STRA8: variants seen among roughly 807,000 people sequenced by gnomAD.
STRA8 encodes stimulated by retinoic acid gene 8 protein homolog.
A neutral mutation model predicts 37.1 loss-of-function variants in STRA8; 18 were observed. The observed-to-expected ratio is 0.48, with a 90% CI of 0.34 to 0.72. The LOEUF (loss-of-function observed/expected upper bound fraction) is 0.72. Among genes scored for constraint, STRA8 ranks in the 30% least tolerant of loss-of-function variants. The pLI is 0.01. For synonymous variants in STRA8, 168 were observed against 162.9 expected (o/e 1.03, Z -0.24); for missense variants, 357 against 410.4 (o/e 0.87, Z 1.13).
intron 1 of STRA8, among the ~76,000 whole-genome samples, 175 bp downstream of exon 1, chr7:135,234,078 G>GGAT (rs138996477): frequency 8.6e-5 from 13 of 150,716 alleles, no homozygotes; most frequent in African/African-American, 3.2e-4. Context: ...GAGTGATTCT[G>GGAT]GATGATGATG....
intron 7 of STRA8, 139 bp downstream of exon 7, chr7:135,252,008 G>A (rs1420518774): frequency 2.7e-6 from 2 of 735,986 alleles, no homozygotes; most frequent in Non-Finnish European, 4.6e-6. Flanking sequence ...GAGGGAGAGA[G>A]AGAGAGTGTG....
At chr7:135,242,028 G>A (rs1251057917) in intron 2 of STRA8, among the ~76,000 whole-genome samples, 1 of 110,110 alleles carries the variant, frequency 9.1e-6, no homozygotes, top group African/African-American at 3.6e-5. Flanking sequence ...CATACAGGAA[G>A]TAAGGAGGGA....
At chr7:135,243,490 C>T (rs1379348007) in intron 4 of STRA8, 80 bp downstream of exon 4, 1 of 1,331,432 alleles carries the variant, frequency 7.5e-7, no homozygotes, top group Non-Finnish European at 1.1e-6. Context: ...GCAACTCACC[C>T]TTCCTCTCCA....
At chr7:135,235,076 T>C (rs947846670) in intron 1 of STRA8, among the ~76,000 whole-genome samples, 3 of 152,156 alleles carry the variant, frequency 2.0e-5, no homozygotes, top group African/African-American at 7.2e-5. Context: ...TTGGCCACGT[T>C]GCCCAGTCTG....
At chr7:135,252,016 G>GT in intron 7 of STRA8, 147 bp downstream of exon 7, 1 of 634,010 alleles carries the variant, frequency 1.6e-6, no homozygotes, top group Non-Finnish European at 2.8e-6. Context: ...GAGAGAGAGT[G>GT]TGTGTGTGTG....
rs749470146 is a variant in STRA8, at chr7:135,251,813, C to T, written c.897C>T (p.Ala299=). Residue 299 remains alanine, a synonymous_variant, in exon 7 of 9, where the codon GCC becomes GCT. Transcript: ENST00000662584. ...STPEEILFED[A]FDVASFLDKS... is the part of the protein sequence containing the mutation. ...TCTTTCAGATCCTTTTTGAGGATGC[C>T]TTTGATGTGGCAAGCTTCCTGGACA... 11 of 1,613,980 alleles carry T rather than the reference C, an allele frequency of 6.8e-6. No homozygotes were observed. The highest frequency in any genetic ancestry group is 8.5e-6 in the Non-Finnish European group (10 of 1,180,018).
chr7:135,242,960 T>TGTTGATTC, intron 3 of STRA8, 104 bp downstream of exon 3: 1 of 1,228,864 alleles, frequency 8.1e-7, no homozygotes, highest in Non-Finnish European at 1.2e-6. Context: ...AACAAATATT[T>TGTTGATTC]ATTGAGGGCC....
intron 2 of STRA8, among the ~76,000 whole-genome samples, chr7:135,241,242 A>G (rs1832460192): frequency 6.6e-6 from 1 of 152,186 alleles, no homozygotes; most frequent in African/African-American, 2.4e-5. Flanking sequence ...ACCCAACAGC[A>G]TCAACATGAG....
intron 6 of STRA8, among the ~76,000 whole-genome samples, chr7:135,248,973 G>A (rs890253126): frequency 4.6e-5 from 7 of 152,144 alleles, no homozygotes; most frequent in African/African-American, 1.7e-4. Context: ...CTCAAAAAAA[G>A]CCAGAAGATT....
intron 4 of STRA8, 63 bp downstream of exon 4, chr7:135,243,473 T>G: frequency 6.8e-7 from 1 of 1,479,568 alleles, no homozygotes; most frequent in Non-Finnish European, 9.4e-7. Flanking sequence ...ATCAGTACTG[T>G]CTGGTGGCAA....
At chr7:135,242,053 GA>G (rs60991228) in intron 2 of STRA8, among the ~76,000 whole-genome samples, 145,378 of 145,436 alleles carry the variant, frequency 1, 72,660 homozygotes, top group Middle Eastern at 1. Context: ...GGAAGGAAGA[GA>G]AGAGGAGGAA....
At chr7:135,253,238 G>A (rs940985388) in intron 7 of STRA8, among the ~76,000 whole-genome samples, 2 of 152,224 alleles carry the variant, frequency 1.3e-5, no homozygotes, top group South Asian at 4.1e-4. Flanking sequence ...CTGGCTCTGG[G>A]GCCTGTTTTA....
intron 1 of STRA8, among the ~76,000 whole-genome samples, chr7:135,237,545 C>G (rs1832395366): frequency 6.6e-6 from 1 of 152,176 alleles, no homozygotes; most frequent in East Asian, 1.9e-4. Context: ...CGAGCCAGCC[C>G]TTCACACAAA....
At chr7:135,232,039 G>A (rs1269750440), upstream of STRA8, 1 of 1,503,892 alleles carries the variant, frequency 6.6e-7, no homozygotes, top group Non-Finnish European at 9.0e-7. Context: ...GCTGTGGCAG[G>A]TAAATAAGCT....
At chr7:135,243,589 A>G (rs1010895034) in intron 4 of STRA8, among the ~76,000 whole-genome samples, 179 bp downstream of exon 4, 1 of 152,232 alleles carries the variant, frequency 6.6e-6, no homozygotes, top group Non-Finnish European at 1.5e-5. Flanking sequence ...AGCAACATGC[A>G]TCAATTTTTT....
intron 4 of STRA8, 37 bp from the exon 5 acceptor site, chr7:135,245,251 T>C (rs1320861390): frequency 1.3e-6 from 1 of 780,764 alleles, no homozygotes. Flanking sequence ...TGAGGGATAT[T>C]AATCTATAGT....
intron 4 of STRA8, among the ~76,000 whole-genome samples, chr7:135,244,100 C>T (rs1163752066): frequency 6.6e-6 from 1 of 152,160 alleles, no homozygotes; most frequent in Non-Finnish European, 1.5e-5. Flanking sequence ...ACTCTGTCAC[C>T]CAGGCTGGAG....
At chr7:135,232,355 T>G (rs988937379), upstream of STRA8, among the ~76,000 whole-genome samples, 1 of 151,624 alleles carries the variant, frequency 6.6e-6, no homozygotes, top group Non-Finnish European at 1.5e-5. Flanking sequence ...TGGTGACAAT[T>G]TCCTTAAAGC....
chr7:135,255,282 G>A (rs995792750), intron 8 of STRA8, 57 bp downstream of exon 8: 1 of 1,316,418 alleles, frequency 7.6e-7, no homozygotes, highest in African/African-American at 1.5e-5. Context: ...ATAGCAAAAA[G>A]GGCTCTTAAG....
Sources: allele counts gnomAD v4.1 joint callset (sites outside exome capture counted in the v4.1 genomes callset), GRCh38; gene constraint gnomAD v4.1.1; transcripts MANE v1.5; gene names NCBI Gene and HGNC (gene_info 2026-07-23, HGNC 2026-07-21).